The following ZC2HC1B variants were observed in gnomAD, a reference collection of about 807,000 sequenced individuals.
ZC2HC1B encodes the protein zinc finger C2HC domain-containing protein 1B.
A neutral mutation model predicts 31.0 loss-of-function variants in ZC2HC1B; 36 were observed. That is an observed-to-expected ratio of 1.16 (90% confidence interval 0.89 to 1.54). The LOEUF is 1.54. Ranked by LOEUF, ZC2HC1B falls within the 40% of genes most tolerant of loss-of-function variation. The pLI, the probability that ZC2HC1B is intolerant of heterozygous loss-of-function variation, is 0.00. For missense variants in ZC2HC1B, 260 were observed against 268.6 expected (o/e 0.97, Z 0.22); for synonymous variants, 73 against 88.0 (o/e 0.83, Z 0.95).
Position 143,903,174 on chromosome 6 carries a change from ATC to A in ZC2HC1B, c.598+27_598+28del. 1 of 1,542,676 alleles carries A rather than the reference ATC, an allele frequency of 6.5e-7. No homozygotes were observed. Among genetic ancestry groups the A allele is most frequent in the Non-Finnish European group, 8.8e-7 (1 of 1,138,422 alleles). On this transcript the variant is annotated intron_variant, in intron 6 of 7. Transcript: ENST00000237275. The surrounding 1 kb of genome is among the most constrained non-coding windows in gnomAD (Gnocchi z 4.3). ...TCAGGTGAGTCAAAGCACGCATTTCATCTCTCAAATGATGGGGGTCAGAGGAG... is the reference window on the plus strand; with the variant it reads ...TCAGGTGAGTCAAAGCACGCATTTCATCTCAAATGATGGGGGTCAGAGGAG...
In ZC2HC1B at chr6:143,925,600, G is replaced by A. The variant is rs570465843; in HGVS notation, c.599-12049G>A. ...TGCCCAGGCTGAAGTGTAGTGGCGC[G>A]ATCTCGTCTCGCCGCAACCTCCGCC... On this transcript the variant is annotated intron_variant, in intron 6 of 7. Transcript: ENST00000237275. Among the ~76,000 whole-genome samples the A allele has an allele frequency of 6.1e-5, 9 of 146,580 alleles. No homozygotes were observed. The East Asian group carries it at 1.8e-3, about 29-fold the overall frequency.
Position 143,884,347 on chromosome 6 carries a change from T to A in ZC2HC1B, c.72T>A (p.Arg24=). Residue 24 remains arginine (R), a synonymous_variant, in exon 2 of 8, where the codon CGT becomes CGA. Coordinates refer to ENST00000237275, the MANE Select transcript of ZC2HC1B (RefSeq NM_001013623.3). The surrounding 1 kb of genome is among the most constrained non-coding windows in gnomAD (Gnocchi z 5.1). ...ELFPCEVCGR[R]FAADVLERHG... is the part of the protein sequence containing the mutation. ...TTCCCTGTGAAGTCTGTGGAAGACGTTTTGCAGCAGATGTTCTGGTAAACA... is the reference window on the plus strand; with the variant it reads ...TTCCCTGTGAAGTCTGTGGAAGACGATTTGCAGCAGATGTTCTGGTAAACA... The A allele has an allele frequency of 2.0e-6, 3 of 1,536,674 alleles. No homozygotes were observed. The highest frequency in any genetic ancestry group is 2.6e-6 in the Non-Finnish European group (3 of 1,135,762).
Position 143,928,412 on chromosome 6 carries a change from A to T in ZC2HC1B, c.599-9237A>T, listed in dbSNP as rs185147930. 1.9e-3 allele frequency among the ~76,000 whole-genome samples: 284 copies of T among 152,262 alleles called. 2 individuals are homozygous for T. The highest frequency in any genetic ancestry group is 3.5e-3 in the Non-Finnish European group (239 of 67,992). On this transcript the variant is annotated intron_variant, in intron 6 of 7. Transcript: ENST00000237275. ...GTTTTTGTCAACTTTGTCGAATATCAGTTGGCTATAGGTATGTGGCTTTAT... is the reference window on the plus strand; with the variant it reads ...GTTTTTGTCAACTTTGTCGAATATCTGTTGGCTATAGGTATGTGGCTTTAT...
chr6:143,909,642 A>G (rs1307107288), intron 6 of ZC2HC1B, among the ~76,000 whole-genome samples: 1 of 147,476 alleles, frequency 6.8e-6, no homozygotes, highest in Admixed American at 6.9e-5. Flanking sequence ...TCTTGGGAGG[A>G]TGTATGTGTC....
rs1035623354 is a variant in ZC2HC1B at position 143,922,248 on chromosome 6, A to G, written c.599-15401A>G. On this transcript the variant is annotated intron_variant, in intron 6 of 7. Coordinates refer to ENST00000237275, the MANE Select transcript of ZC2HC1B (RefSeq NM_001013623.3). The surrounding 1 kb of genome is among the most constrained non-coding windows in gnomAD (Gnocchi z 5.0). ...ATACATGTGGTATTTTGATACATGA[A>G]TAAAATGTGTAATGATCAAATCAGG... Among the ~76,000 whole-genome samples the G allele has an allele frequency of 1.3e-5, 2 of 152,236 alleles. No homozygotes were observed. The highest frequency in any genetic ancestry group is 4.8e-5 in the African/African-American group (2 of 41,468).
chr6:143,882,788 T>C (rs1224550404), intron 1 of ZC2HC1B, among the ~76,000 whole-genome samples: 1 of 152,152 alleles, frequency 6.6e-6, no homozygotes, highest in Non-Finnish European at 1.5e-5. Context: ...GACAACTCTA[T>C]TTCAACTCAG....
chr6:143,866,646 T>C (rs1777267251), intron 1 of ZC2HC1B, among the ~76,000 whole-genome samples: 1 of 152,238 alleles, frequency 6.6e-6, no homozygotes, highest in Non-Finnish European at 1.5e-5. Context: ...TCACCTCAGT[T>C]GAAAGAACTC....
chr6:143,876,907 G>A (rs1045249884), intron 1 of ZC2HC1B, among the ~76,000 whole-genome samples: 2 of 150,152 alleles, frequency 1.3e-5, no homozygotes, highest in Non-Finnish European at 3.0e-5. Flanking sequence ...GATTGAGGGT[G>A]GGTCTGCCTT....
intron 6 of ZC2HC1B, among the ~76,000 whole-genome samples, chr6:143,910,732 C>A (rs1777846376): frequency 1.3e-5 from 2 of 152,004 alleles, no homozygotes; most frequent in Admixed American, 1.3e-4. Flanking sequence ...CTTCTTTTGT[C>A]TTTTTTGATC....
At chr6:143,881,247 T>G (rs1777462163) in intron 1 of ZC2HC1B, among the ~76,000 whole-genome samples, 1 of 152,050 alleles carries the variant, frequency 6.6e-6, no homozygotes, top group Non-Finnish European at 1.5e-5. Flanking sequence ...GATTATTGCA[T>G]GTATCAGTGG....
chr6:143,925,217 C>T (rs1349736563), intron 6 of ZC2HC1B, among the ~76,000 whole-genome samples: 2 of 141,770 alleles, frequency 1.4e-5, no homozygotes, highest in Non-Finnish European at 1.5e-5. Flanking sequence ...ACTCTGTCGC[C>T]CAGGCTGGAG....
rs1468831963 is a variant in ZC2HC1B at position 143,933,550 on chromosome 6, C to T, written c.599-4099C>T. Among the ~76,000 whole-genome samples, 1 of 152,012 alleles carries T rather than the reference C, an allele frequency of 6.6e-6. No individual in the cohort carries two copies. Among genetic ancestry groups the T allele is most frequent in the African/African-American group, 2.4e-5 (1 of 41,368 alleles). On this transcript the variant is annotated intron_variant, in intron 6 of 7. Transcript: ENST00000237275. The surrounding 1 kb of genome is among the most constrained non-coding windows in gnomAD (Gnocchi z 6.4). Reference sequence around the variant, plus strand: ...GGGAGATCAGGGGATGGTTCTTGGGCCAATGGAGTTATGTTCCAGAGGGAA... The same window carrying T: ...GGGAGATCAGGGGATGGTTCTTGGGTCAATGGAGTTATGTTCCAGAGGGAA...
At chr6:143,890,251 G>T (rs954897758) in intron 4 of ZC2HC1B, among the ~76,000 whole-genome samples, 1 of 151,942 alleles carries the variant, frequency 6.6e-6, no homozygotes, top group Non-Finnish European at 1.5e-5. Context: ...ATTAGGAAAA[G>T]AGCAAATGAG....
chr6:143,886,551 T>TG lies in ZC2HC1B; in HGVS notation c.211-131dup. On this transcript the variant is annotated intron_variant, in intron 3 of 7. Transcript: ENST00000237275. The surrounding 1 kb of genome is among the most constrained non-coding windows in gnomAD (Gnocchi z 4.2). ...TCCAAACCTCTTTAAGGAGTACTTT[T>TG]GAAAAACAAACTCTCCTTTTCCCCA... is the stretch of plus-strand genomic sequence containing the variant. 1.0e-6 allele frequency: 1 copy of TG among 984,552 alleles called. No individual in the cohort carries two copies. The highest frequency in any genetic ancestry group is 1.4e-6 in the Non-Finnish European group (1 of 734,272). 61.0% of individuals were successfully genotyped at this position (984,552 alleles called of 1,614,324 possible).
chr6:143,882,534 G>A (rs970832788), intron 1 of ZC2HC1B, among the ~76,000 whole-genome samples: 1 of 151,492 alleles, frequency 6.6e-6, no homozygotes, highest in Admixed American at 6.6e-5. Flanking sequence ...TCTGCTTCCT[G>A]TTAACTAGGG....
rs184219755 is a variant in ZC2HC1B at position 143,908,702 on chromosome 6, T to G, written c.598+5550T>G. ...CTGAGACAATGGGGTTTTCTAGATA[T>G]AGGATCCTGTCATCTGCAAACAAAG... On this transcript the variant is annotated intron_variant, in intron 6 of 7. Transcript: ENST00000237275. The surrounding 1 kb of genome is among the most constrained non-coding windows in gnomAD (Gnocchi z 4.4). 1.3e-5 allele frequency among the ~76,000 whole-genome samples: 2 copies of G among 152,296 alleles called. No homozygotes were observed. Among genetic ancestry groups the G allele is most frequent in the Admixed American group, 1.3e-4 (2 of 15,298 alleles).
In ZC2HC1B at chr6:143,868,724, T is replaced by A. The variant is rs1031947246; in HGVS notation, c.28+4157T>A. Among the ~76,000 whole-genome samples, 7 of 152,142 alleles carry A rather than the reference T, an allele frequency of 4.6e-5. No homozygotes were observed. The highest frequency in any genetic ancestry group is 1.7e-4 in the African/African-American group (7 of 41,420). On this transcript the variant is annotated intron_variant, in intron 1 of 7. Transcript: ENST00000237275. The surrounding 1 kb of genome is among the most constrained non-coding windows in gnomAD (Gnocchi z 4.2). ...ACCCATCTCCTGAGATCATACATAA[T>A]CTTCAAATAAAGACAATAATAAGGT...
Position 143,922,712 on chromosome 6 carries a change from C to CT in ZC2HC1B, c.599-14930dup, listed in dbSNP as rs1189596573. Among the ~76,000 whole-genome samples the CT allele has an allele frequency of 6.6e-6, 1 of 151,958 alleles. No homozygotes were observed. Among genetic ancestry groups the CT allele is most frequent in the African/African-American group, 2.4e-5 (1 of 41,402 alleles). On this transcript the variant is annotated intron_variant, in intron 6 of 7. Transcript: ENST00000237275. This position sits in a 1 kb window ranked among gnomAD's most constrained non-coding sequence, Gnocchi z 5.0. ...CCACTGAGTATATATACCACATTTT[C>CT]TTTTTTTCAAATTTTATTCACATGT...
rs1419969756 is a variant in ZC2HC1B at position 143,934,343 on chromosome 6, C to T, written c.599-3306C>T. On this transcript the variant is annotated intron_variant, in intron 6 of 7. Transcript: ENST00000237275. The surrounding 1 kb of genome is among the most constrained non-coding windows in gnomAD (Gnocchi z 4.6). Reference sequence around the variant, plus strand: ...AGTGTCCACACGCTGTTCTGTCCATCCAAGTGGGAGCTACTTATCAGCCCT... The same window carrying T: ...AGTGTCCACACGCTGTTCTGTCCATTCAAGTGGGAGCTACTTATCAGCCCT... Among the ~76,000 whole-genome samples the T allele has an allele frequency of 6.6e-6, 1 of 152,218 alleles. No homozygotes were observed. The highest frequency in any genetic ancestry group is 1.5e-5 in the Non-Finnish European group (1 of 68,040).
Sources: allele counts gnomAD v4.1 joint callset (sites outside exome capture counted in the v4.1 genomes callset), GRCh38; gene constraint gnomAD v4.1.1; non-coding constraint Gnocchi (gnomAD v3.1); transcripts MANE v1.5; gene names NCBI Gene and HGNC (gene_info 2026-07-23, HGNC 2026-07-21).